Variants in DCC observed in about 807,000 individuals in gnomAD.
DCC encodes DCC netrin 1 receptor.
Under a neutral mutation model 172.5 loss-of-function variants are expected in DCC, and 58 were observed. That is an observed-to-expected ratio of 0.34 (90% CI 0.27 to 0.42). The LOEUF (loss-of-function observed/expected upper bound fraction) is 0.42, where lower values mean the gene tolerates loss of function less well. Among genes scored for constraint, DCC ranks in the 10% least tolerant of loss-of-function variants. The pLI is 1.00. For missense variants in DCC, 1,740 were observed against 1,791.0 expected, an observed-to-expected ratio of 0.97 and a Z score of 0.51; for synonymous variants, 709 against 644.5, an observed-to-expected ratio of 1.10 and a Z score of -1.52.
At chr18:53,488,196 C>A (rs1324673652) in intron 26 of DCC, among the ~76,000 whole-genome samples, 1 of 152,088 alleles carries the variant, frequency 6.6e-6, no homozygotes, top group Non-Finnish European at 1.5e-5. Flanking sequence ...ACAAGCCTGG[C>A]CAATATGGTG....
chr18:53,481,826 C>T (rs111456446), intron 25 of DCC, among the ~76,000 whole-genome samples: 7,717 of 152,128 alleles, frequency 0.051, 665 homozygotes, highest in African/African-American at 0.17. Flanking sequence ...TACCAATGTG[C>T]CTTGTTCAGG....
intron 20 of DCC, among the ~76,000 whole-genome samples, chr18:53,411,559 TAAAAG>T (rs1599120113): frequency 6.6e-6 from 1 of 152,170 alleles, no homozygotes; most frequent in East Asian, 1.9e-4. Flanking sequence ...TTTGACATAC[TAAAAG>T]AAGAGTCTTA....
intron 14 of DCC, among the ~76,000 whole-genome samples, chr18:53,335,901 T>G (rs1311299965): frequency 6.6e-6 from 1 of 152,034 alleles, no homozygotes; most frequent in Non-Finnish European, 1.5e-5. Flanking sequence ...AAAGTCCCCT[T>G]TATAAAACCA....
At chr18:53,482,941 T>A (rs535787317) in intron 25 of DCC, among the ~76,000 whole-genome samples, 1 of 151,910 alleles carries the variant, frequency 6.6e-6, no homozygotes, top group Admixed American at 6.6e-5. Context: ...TTATATTAAC[T>A]ATATACCCCA....
intron 1 of DCC, among the ~76,000 whole-genome samples, chr18:52,480,360 A>G (rs890756889): frequency 6.6e-6 from 1 of 152,278 alleles, no homozygotes; most frequent in Admixed American, 6.5e-5. Context: ...GACAAACAAT[A>G]GAACTGTGAA....
At chr18:53,362,933 C>T (rs1296712501) in intron 15 of DCC, among the ~76,000 whole-genome samples, 7 of 152,120 alleles carry the variant, frequency 4.6e-5, no homozygotes, top group African/African-American at 1.4e-4. Flanking sequence ...ACTTATTGAA[C>T]ATTTACTCTG....
At chr18:53,279,009 C>G (rs555156951) in intron 12 of DCC, among the ~76,000 whole-genome samples, 2 of 152,308 alleles carry the variant, frequency 1.3e-5, no homozygotes, top group Admixed American at 6.5e-5. Context: ...AATGGTTGAA[C>G]TAGTTTACAG....
At chr18:53,507,085 T>G (rs1009056290) in intron 27 of DCC, among the ~76,000 whole-genome samples, 4 of 151,896 alleles carry the variant, frequency 2.6e-5, no homozygotes, top group Admixed American at 2.0e-4. Flanking sequence ...CCCTTTCTCC[T>G]TTTTGTTTTG....
At chr18:53,516,773 G>GCAAT (rs1248261851) in intron 27 of DCC, among the ~76,000 whole-genome samples, 5 of 144,868 alleles carry the variant, frequency 3.5e-5, no homozygotes, top group Non-Finnish European at 6.0e-5. Flanking sequence ...AGTTAGAATG[G>GCAAT]CAATCATTAA....
Position 53,530,996 on chromosome 18 carries a change from GT to G in DCC, c.*345del, listed in dbSNP as rs1260575832. 1 of 394,894 alleles carries G rather than the reference GT, an allele frequency of 2.5e-6. No homozygotes were observed. The allele number at this position is 394,894 out of a possible 1,614,324, so 24.5% of individuals were successfully genotyped here. A position where few individuals can be genotyped will look rare whatever the true frequency, so the allele number is the denominator to read the frequency against. ...CCTATGTTTTCCTTTGTCAAGGCCT[GT>G]TGTTTAATGTGTAGGTCTAGTCTTA... On this transcript the variant is annotated 3_prime_UTR_variant, in exon 29 of 29. Coordinates refer to ENST00000442544, the MANE Select transcript of DCC (RefSeq NM_005215.4).
intron 2 of DCC, among the ~76,000 whole-genome samples, chr18:52,888,207 G>A (rs968380815): frequency 2.0e-5 from 3 of 152,332 alleles, no homozygotes; most frequent in East Asian, 1.9e-4. Context: ...TTGGCTGGAA[G>A]CCTATACAAC....
At chr18:53,412,531 C>A (rs1599121106) in intron 20 of DCC, among the ~76,000 whole-genome samples, 2 of 152,202 alleles carry the variant, frequency 1.3e-5, no homozygotes, top group African/African-American at 4.8e-5. Flanking sequence ...CTATTGCTCT[C>A]TGATTTAAGA....
intron 5 of DCC, among the ~76,000 whole-genome samples, chr18:53,047,460 T>TAC (rs2042268337): frequency 1.0e-5 from 1 of 96,736 alleles, no homozygotes; most frequent in Non-Finnish European, 2.0e-5. Context: ...TATATATATA[T>TAC]ATACCATTTT....
At chr18:53,382,924 A>G (rs1169873094) in intron 15 of DCC, among the ~76,000 whole-genome samples, 4 of 152,126 alleles carry the variant, frequency 2.6e-5, no homozygotes, top group East Asian at 3.8e-4. Context: ...AATCAGATCA[A>G]TTTTTATAGA....
intron 25 of DCC, among the ~76,000 whole-genome samples, chr18:53,474,791 A>G (rs2045742078): frequency 6.6e-6 from 1 of 152,210 alleles, no homozygotes; most frequent in Non-Finnish European, 1.5e-5. Context: ...AGATACTCAA[A>G]AATGTGGAAG....
intron 1 of DCC, among the ~76,000 whole-genome samples, chr18:52,472,862 G>C (rs927943501): frequency 6.6e-6 from 1 of 152,134 alleles, no homozygotes; most frequent in African/African-American, 2.4e-5. Context: ...AACTATGATT[G>C]TGCCACTGTA....
chr18:52,857,119 A>G (rs2039068111), intron 2 of DCC, among the ~76,000 whole-genome samples: 1 of 151,548 alleles, frequency 6.6e-6, no homozygotes, highest in Admixed American at 6.6e-5. Flanking sequence ...TGGAAAAAAA[A>G]TGGTAAAAAA....
chr18:53,456,621 A>G (rs937666237), intron 23 of DCC, among the ~76,000 whole-genome samples: 1 of 152,198 alleles, frequency 6.6e-6, no homozygotes, highest in African/African-American at 2.4e-5. Flanking sequence ...GCCCCCTGCA[A>G]CCAAGTTTCT....
intron 7 of DCC, among the ~76,000 whole-genome samples, chr18:53,077,534 T>C (rs2042740319): frequency 6.6e-6 from 1 of 152,176 alleles, no homozygotes; most frequent in South Asian, 2.1e-4. Flanking sequence ...CATGAACTGA[T>C]GATGGTCCTG....
Sources: allele counts gnomAD v4.1 joint callset (sites outside exome capture counted in the v4.1 genomes callset), GRCh38; gene constraint gnomAD v4.1.1; transcripts MANE v1.5; gene names NCBI Gene and HGNC (gene_info 2026-07-23, HGNC 2026-07-21).